The following TTK variants were observed in gnomAD, a reference collection of about 807,000 sequenced individuals.
The protein encoded by TTK is TTK protein kinase, also known as dual specificity protein kinase TTK.
Under a neutral mutation model 117.3 loss-of-function variants are expected in TTK, and 59 were observed. That is an observed-to-expected ratio of 0.50 (90% CI 0.41 to 0.62). The LOEUF (loss-of-function observed/expected upper bound fraction) is 0.62. Ranked by LOEUF, TTK falls within the 20% of genes least tolerant of loss-of-function variation. TTK has a pLI of 0.00. For missense variants in TTK, 921 were observed against 989.4 expected, an observed-to-expected ratio of 0.93 and a Z score of 0.93; for synonymous variants, 302 against 325.0, an observed-to-expected ratio of 0.93 and a Z score of 0.76.
At chr6:80,007,667 T>C (rs1767028950) in intron 2 of TTK, 142 bp from the exon 3 acceptor site, 1 of 558,860 alleles carries the variant, frequency 1.8e-6, no homozygotes, top group East Asian at 3.1e-5. Flanking sequence ...ATATGAACTT[T>C]TACAATTTTA....
intron 10 of TTK, among the ~76,000 whole-genome samples, chr6:80,017,908 AT>A (rs1387332146): frequency 2.6e-5 from 4 of 152,122 alleles, no homozygotes; most frequent in Non-Finnish European, 5.9e-5. Flanking sequence ...ATTCTTGAAT[AT>A]TTTTTTAATG....
At chr6:80,023,322 G>T (rs1322883774) in intron 11 of TTK, among the ~76,000 whole-genome samples, 1 of 152,242 alleles carries the variant, frequency 6.6e-6, no homozygotes, top group East Asian at 1.9e-4. Context: ...GGCTGGGCAC[G>T]ATGGCTCACG....
chr6:80,024,385 T>C (rs558888178), intron 11 of TTK, among the ~76,000 whole-genome samples: 14 of 152,026 alleles, frequency 9.2e-5, no homozygotes, highest in Non-Finnish European at 2.1e-4. Context: ...ATAAAGAAAA[T>C]GTGGTACATC....
intron 14 of TTK, among the ~76,000 whole-genome samples, chr6:80,033,695 C>T (rs190903976): frequency 6.6e-6 from 1 of 152,222 alleles, no homozygotes; most frequent in Admixed American, 6.5e-5. Context: ...TTCCTAATCC[C>T]ACTAACAATA....
intron 14 of TTK, among the ~76,000 whole-genome samples, chr6:80,033,706 A>T (rs1767816640): frequency 6.6e-6 from 1 of 152,162 alleles, no homozygotes; most frequent in African/African-American, 2.4e-5. Context: ...ACTAACAATA[A>T]TTAGAATTGC....
At chr6:80,011,269 A>T (rs544021759) in intron 5 of TTK, among the ~76,000 whole-genome samples, 165 bp from the exon 6 acceptor site, 6 of 151,862 alleles carry the variant, frequency 4.0e-5, no homozygotes, top group Non-Finnish European at 7.4e-5. Flanking sequence ...GAATTTGAAG[A>T]AGTAGTTAGA....
chr6:80,031,530 AAGC>A lies in TTK; in HGVS notation c.1588_1590del (p.Gln530del). The A allele has an allele frequency of 6.5e-7, 1 of 1,538,798 alleles. No homozygotes were observed. The highest frequency in any genetic ancestry group is 8.7e-7 in the Non-Finnish European group (1 of 1,149,782). ...TAAAGGAAGAATTTATTCCATATTAAAGCAGATAGGAAGTGGAGGTTCAAGCAA... is the reference window on the plus strand; with the variant it reads ...TAAAGGAAGAATTTATTCCATATTAAAGATAGGAAGTGGAGGTTCAAGCAA... On this transcript the variant is annotated inframe_deletion, in exon 14 of 22. Transcript: ENST00000369798.
At chr6:80,016,390 C>T (rs1767308216) in intron 10 of TTK, among the ~76,000 whole-genome samples, 1 of 152,254 alleles carries the variant, frequency 6.6e-6, no homozygotes, top group African/African-American at 2.4e-5. Context: ...TAATTTTAGG[C>T]ATTCTGATGC....
chr6:80,039,189 A>G, intron 18 of TTK, among the ~76,000 whole-genome samples: 1 of 152,042 alleles, frequency 6.6e-6, no homozygotes. Context: ...AGATGTTTTA[A>G]AGCTTGTAAA....
At chr6:80,021,207 GA>G in intron 10 of TTK, among the ~76,000 whole-genome samples, 1 of 152,194 alleles carries the variant, frequency 6.6e-6, no homozygotes, top group Non-Finnish European at 1.5e-5. Flanking sequence ...GGAAGGGAAG[GA>G]AAAATCCTTC....
intron 18 of TTK, among the ~76,000 whole-genome samples, chr6:80,039,054 T>G (rs1408338611): frequency 6.6e-6 from 1 of 152,112 alleles, no homozygotes. Flanking sequence ...ATGTTAAAGG[T>G]AATATTAATT....
At chr6:80,005,802 A>G (rs1348451065) in intron 1 of TTK, 40 bp from the exon 2 acceptor site, 1 of 1,587,782 alleles carries the variant, frequency 6.3e-7, no homozygotes, top group Admixed American at 2.0e-5. Context: ...CTTTGATGCT[A>G]GTTAAAGTAG....
chr6:80,013,450 G>T (rs1663417513), intron 9 of TTK, 84 bp downstream of exon 9: 2 of 1,138,052 alleles, frequency 1.8e-6, no homozygotes, highest in Non-Finnish European at 2.5e-6. Flanking sequence ...CTGGGGAAAG[G>T]GTTTATAAAT....
At position 80,030,610 on chromosome 6, in the gene TTK, GGA is replaced by G. The variant is rs369252947; in HGVS notation, c.1522-847_1522-846del. Among the ~76,000 whole-genome samples the G allele has an allele frequency of 4.6e-5, 7 of 152,098 alleles. No individual in the cohort carries two copies. The East Asian group carries it at 7.8e-4, about 17-fold the overall frequency. On this transcript the variant is annotated intron_variant, in intron 13 of 21. Transcript: ENST00000369798. The stretch of plus-strand genomic sequence containing the variant: ...AAATGTCACATGGCTGGAGTGGGAG[GGA>G]GAGAGAGAGTTGGGGGCAGATGCCA...
In TTK at chr6:80,035,436, A is replaced by G. The variant is rs1417725215; in HGVS notation, c.1924+19A>G. ...CAACATGGTATTTAACAGTTTTTTT[A>G]TATTTGTAAGGTTAAAATCTTTGTT... On this transcript the variant is annotated intron_variant, in intron 16 of 21. Coordinates refer to ENST00000369798, the MANE Select transcript of TTK (RefSeq NM_003318.5). The G allele has an allele frequency of 4.4e-6, 7 of 1,578,170 alleles. No homozygotes were observed. Among genetic ancestry groups the G allele is most frequent in the Non-Finnish European group, 5.1e-6 (6 of 1,167,188 alleles).
chr6:80,023,627 C>T (rs1170369095), intron 11 of TTK, among the ~76,000 whole-genome samples: 1 of 152,048 alleles, frequency 6.6e-6, no homozygotes, highest in Non-Finnish European at 1.5e-5. Context: ...AACTGATAAA[C>T]TCATGTGAAT....
At chr6:80,004,955 G>C (rs1448180765) in intron 1 of TTK, 1 of 152,244 alleles carries the variant, frequency 6.6e-6, no homozygotes. Flanking sequence ...GCCCACGCTG[G>C]AAAGAAGGGG....
At chr6:80,030,984 G>A (rs796275164) in intron 13 of TTK, among the ~76,000 whole-genome samples, 6 of 151,284 alleles carry the variant, frequency 4.0e-5, no homozygotes, top group African/African-American at 1.5e-4. Context: ...GGCAGAGGGT[G>A]CAGTGAGCCG....
chr6:80,033,002 A>G (rs1258279785), intron 14 of TTK, among the ~76,000 whole-genome samples: 1 of 152,212 alleles, frequency 6.6e-6, no homozygotes, highest in Non-Finnish European at 1.5e-5. Flanking sequence ...ACTCTCTGCA[A>G]TATTGAAATG....
Sources: gnomAD v4.1 joint callset for allele counts (sites outside exome capture counted in the v4.1 genomes callset) on GRCh38, gnomAD v4.1.1 for gene constraint, MANE v1.5 for transcripts, NCBI Gene and HGNC (gene_info 2026-07-23, HGNC 2026-07-21) for gene names.